Variants in PDE1C observed in about 807,000 individuals in gnomAD.
PDE1C encodes the protein dual specificity calcium/calmodulin-dependent 3',5'-cyclic nucleotide phosphodiesterase 1C.
Under a neutral mutation model 93.1 loss-of-function variants are expected in PDE1C, and 62 were observed. That is an observed-to-expected ratio of 0.67 (90% CI 0.54 to 0.82). The LOEUF is 0.82. PDE1C is among the 40% of genes least tolerant of loss of function. The pLI is 0.00. For synonymous variants in PDE1C, 325 were observed against 310.1 expected (o/e 1.05, Z -0.50); for missense variants, 742 against 884.6 (o/e 0.84, Z 2.04).
intron 3 of PDE1C, among the ~76,000 whole-genome samples, chr7:32,163,938 C>T (rs565697111): frequency 1.3e-5 from 2 of 152,218 alleles, no homozygotes; most frequent in East Asian, 3.9e-4. Context: ...TTCTTTGGCC[C>T]ACTTAATCCT....
chr7:32,177,798 C>A (rs79670826), intron 2 of PDE1C, among the ~76,000 whole-genome samples: 1 of 152,134 alleles, frequency 6.6e-6, no homozygotes, highest in African/African-American at 2.4e-5. Flanking sequence ...GGAATCTGTG[C>A]GTGTAACACA....
At chr7:31,856,448 C>T (rs954822614) in intron 7 of PDE1C, among the ~76,000 whole-genome samples, 2 of 152,164 alleles carry the variant, frequency 1.3e-5, no homozygotes, top group Non-Finnish European at 2.9e-5. Context: ...ATGATCACTG[C>T]TATGATACAA....
At chr7:31,661,157 C>A in the PDE1C span, among the ~76,000 whole-genome samples, 9 of 152,058 alleles carry the variant, frequency 5.9e-5, no homozygotes, top group Admixed American at 5.9e-4. Context: ...GTCAGTTTGC[C>A]ACATTCAGAA....
the PDE1C span, among the ~76,000 whole-genome samples, chr7:31,678,818 A>G: frequency 1.3e-5 from 2 of 152,190 alleles, no homozygotes; most frequent in African/African-American, 4.8e-5. Context: ...GAGTGTGTAC[A>G]GAGATCAGGG....
Position 31,782,722 on chromosome 7 carries a change from G to C in PDE1C, c.1892-6990C>G, listed in dbSNP as rs141005549. Among the ~76,000 whole-genome samples, 176 of 152,306 alleles carry C rather than the reference G, an allele frequency of 1.2e-3. 3 individuals carry two copies. In the South Asian group the frequency reaches 0.024, roughly 20 times the overall value. ...CTACACAGAGTCCCTGACTCATGAT[G>C]GCCCAACTTAAATTTTTGGACTTCA... On this transcript the variant is annotated intron_variant, in intron 16 of 17. Coordinates refer to ENST00000396191, the MANE Select transcript of PDE1C (RefSeq NM_001191057.4).
At chr7:32,224,810 A>G (rs900491961) in intron 1 of PDE1C, among the ~76,000 whole-genome samples, 8 of 152,184 alleles carry the variant, frequency 5.3e-5, no homozygotes, top group African/African-American at 1.9e-4. Context: ...TCATTTTGCT[A>G]TTAACAAGGG....
chr7:32,257,172 G>C (rs150319378), intron 1 of PDE1C, among the ~76,000 whole-genome samples: 70 of 152,306 alleles, frequency 4.6e-4, no homozygotes, highest in African/African-American at 1.6e-3. Flanking sequence ...GAAAGATTGA[G>C]ACGATGAACA....
chr7:31,888,218 C>A (rs189781482), intron 2 of PDE1C, among the ~76,000 whole-genome samples: 4 of 133,520 alleles, frequency 3.0e-5, no homozygotes, highest in African/African-American at 1.2e-4. Context: ...CCACTGCACT[C>A]CAGCCTGGGT....
At chr7:32,248,976 C>G (rs1201162595) in intron 1 of PDE1C, among the ~76,000 whole-genome samples, 1 of 151,990 alleles carries the variant, frequency 6.6e-6, no homozygotes, top group African/African-American at 2.4e-5. Flanking sequence ...GTATGAAGGG[C>G]TGTCATGTAG....
At chr7:32,122,530 C>T (rs1168821147) in intron 3 of PDE1C, among the ~76,000 whole-genome samples, 1 of 152,162 alleles carries the variant, frequency 6.6e-6, no homozygotes, top group African/African-American at 2.4e-5. Flanking sequence ...GACCACAATG[C>T]AATCAAATTA....
intron 6 of PDE1C, among the ~76,000 whole-genome samples, chr7:31,871,846 G>A (rs1330878260): frequency 1.3e-5 from 2 of 151,892 alleles, no homozygotes; most frequent in Non-Finnish European, 2.9e-5. Context: ...ATGCAATCCA[G>A]CAATCTCACT....
At chr7:31,735,754 ATGT>A in the PDE1C span, among the ~76,000 whole-genome samples, 1 of 152,170 alleles carries the variant, frequency 6.6e-6, no homozygotes, top group Non-Finnish European at 1.5e-5. Context: ...GCTCTAGGGC[ATGT>A]TGTTTGTCTT....
rs73686843 is a variant in PDE1C at position 31,945,221 on chromosome 7, T to G, written c.129-64361A>C. Among the ~76,000 whole-genome samples, 823 of 152,312 alleles carry G rather than the reference T, an allele frequency of 5.4e-3. 7 individuals carry two copies. The highest frequency in any genetic ancestry group is 0.019 in the African/African-American group (784 of 41,578). On this transcript the variant is annotated intron_variant, in intron 2 of 17. Transcript: ENST00000396191. ...ATTCATTTCACTTATTCATATGCTA[T>G]GATAACCCAAAACATTGATATCATT...
chr7:32,139,010 G>T (rs1482814332), intron 3 of PDE1C, among the ~76,000 whole-genome samples: 2 of 152,142 alleles, frequency 1.3e-5, no homozygotes, highest in Non-Finnish European at 2.9e-5. Context: ...TGTACCTAGT[G>T]TAATGGAGGA....
chr7:32,104,505 T>C lies in PDE1C; in HGVS notation c.308+65280A>G, dbSNP rs1210861265. Among the ~76,000 whole-genome samples, 5 of 152,260 alleles carry C rather than the reference T, an allele frequency of 3.3e-5. No individual in the cohort carries two copies. The East Asian group carries it at 9.6e-4, about 29-fold the overall frequency. On this transcript the variant is annotated intron_variant, in intron 3 of 18. Coordinates refer to the PDE1C transcript ENST00000396193. ...AAGTATCCCTTTTCTCAGGAAGCAA[T>C]AGAGGATGTGCTCTCCCCAGGGCTC...
At chr7:32,327,015 G>A (rs1783416355) in intron 1 of PDE1C, among the ~76,000 whole-genome samples, 1 of 152,044 alleles carries the variant, frequency 6.6e-6, no homozygotes, top group East Asian at 1.9e-4. Context: ...CTAATAACAT[G>A]AGCAAAACAC....
chr7:32,244,638 G>A (rs1230277602), intron 1 of PDE1C, among the ~76,000 whole-genome samples: 6 of 152,158 alleles, frequency 3.9e-5, no homozygotes, highest in African/African-American at 1.2e-4. Flanking sequence ...AGAACACCCT[G>A]TCAGATAATG....
the PDE1C span, among the ~76,000 whole-genome samples, chr7:31,689,265 A>C: frequency 6.6e-6 from 1 of 152,240 alleles, no homozygotes; most frequent in African/African-American, 2.4e-5. Context: ...AAGTCTTTGT[A>C]GTAGACACAG....
chr7:32,149,384 C>T (rs1038320709), intron 3 of PDE1C, among the ~76,000 whole-genome samples: 2 of 152,194 alleles, frequency 1.3e-5, no homozygotes, highest in Non-Finnish European at 2.9e-5. Flanking sequence ...AGCCAGAACA[C>T]CTCTGATCTC....
Sources: allele counts gnomAD v4.1 joint callset (sites outside exome capture counted in the v4.1 genomes callset), GRCh38; gene constraint gnomAD v4.1.1; transcripts MANE v1.5; gene names NCBI Gene and HGNC (gene_info 2026-07-23, HGNC 2026-07-21).